Variants in C3orf70 observed in about 807,000 individuals in gnomAD.
C3orf70 encodes the protein UPF0524 protein C3orf70.
C3orf70 carries 15 observed loss-of-function variants against 20.7 expected under a neutral mutation model. The ratio of observed to expected loss-of-function variants is 0.72; its 90% CI spans 0.48 to 1.11. C3orf70 has a LOEUF of 1.11. Ranked by LOEUF, C3orf70 falls within the 50% of genes most tolerant of loss-of-function variation. The pLI is 0.00. For missense variants in C3orf70, 332 were observed against 317.6 expected (o/e 1.05, Z -0.34); for synonymous variants, 161 against 125.7 (o/e 1.28, Z -1.88).
At chr3:185,104,420 T>C (rs1715883537) in intron 1 of C3orf70, among the ~76,000 whole-genome samples, 1 of 152,186 alleles carries the variant, frequency 6.6e-6, no homozygotes, top group Non-Finnish European at 1.5e-5. Context: ...GTGTGGCAAT[T>C]CCTCAAAGAC....
chr3:185,134,699 AC>A (rs1406395768), intron 1 of C3orf70, among the ~76,000 whole-genome samples: 2 of 152,178 alleles, frequency 1.3e-5, no homozygotes, highest in African/African-American at 4.8e-5. Context: ...AAAATTGTGT[AC>A]TTTACCCCAG....
intron 1 of C3orf70, among the ~76,000 whole-genome samples, chr3:185,099,513 CA>C (rs1409996419): frequency 6.6e-6 from 1 of 152,134 alleles, no homozygotes. Flanking sequence ...TTCAGACAAG[CA>C]AATGCTGAGA....
intron 1 of C3orf70, among the ~76,000 whole-genome samples, chr3:185,117,119 G>GA (rs1716191793): frequency 6.6e-6 from 1 of 152,112 alleles, no homozygotes. Context: ...CACATTTATG[G>GA]AAAATCAACA....
At chr3:185,114,970 A>G (rs1379394513) in intron 1 of C3orf70, among the ~76,000 whole-genome samples, 2 of 152,230 alleles carry the variant, frequency 1.3e-5, no homozygotes, top group Admixed American at 1.3e-4. Context: ...CAGGCAATTC[A>G]CTCAAACGCT....
intron 1 of C3orf70, among the ~76,000 whole-genome samples, chr3:185,137,575 T>C (rs1716653306): frequency 1.3e-5 from 2 of 152,192 alleles, no homozygotes; most frequent in Middle Eastern, 3.4e-3. Flanking sequence ...AGAATTAAAA[T>C]CATACAAAGT....
intron 1 of C3orf70, among the ~76,000 whole-genome samples, chr3:185,145,803 A>G (rs551468460): frequency 1.3e-5 from 2 of 152,244 alleles, no homozygotes; most frequent in African/African-American, 4.8e-5. Context: ...TAAATGAGCA[A>G]ACACATACGA....
chr3:185,080,260 T>G lies in C3orf70; in HGVS notation c.*2747A>C, dbSNP rs912181582. On this transcript the variant is annotated 3_prime_UTR_variant, in exon 2 of 2. Transcript: ENST00000335012. ...ATTATAAAGAGATTGTGCAAATACA[T>G]AAGGTGATTATCAACTATTATTAAA... 6.6e-5 allele frequency: 10 copies of G among 152,584 alleles called. No homozygotes were observed. Among genetic ancestry groups the G allele is most frequent in the Non-Finnish European group, 2.9e-5 (2 of 68,044 alleles). 9.5% of individuals were successfully genotyped at this position (152,584 alleles called of 1,614,324 possible).
chr3:185,119,378 C>T (rs535539034), intron 1 of C3orf70, among the ~76,000 whole-genome samples: 3 of 152,156 alleles, frequency 2.0e-5, no homozygotes, highest in Middle Eastern at 3.4e-3. Flanking sequence ...AGAAGCCGGG[C>T]GCGGTGGTTC....
At chr3:185,086,191 C>T (rs1171258619) in intron 1 of C3orf70, among the ~76,000 whole-genome samples, 5 of 151,558 alleles carry the variant, frequency 3.3e-5, no homozygotes, top group African/African-American at 1.2e-4. Context: ...CACTCCATCT[C>T]TTTTTTTTTC....
At chr3:185,095,709 AAAC>A (rs1020468267) in intron 1 of C3orf70, among the ~76,000 whole-genome samples, 3 of 152,198 alleles carry the variant, frequency 2.0e-5, no homozygotes, top group African/African-American at 7.2e-5. Context: ...TTTCAATATA[AAAC>A]AAGCCAATAT....
chr3:185,083,563 C>A lies in C3orf70; in HGVS notation c.197G>T (p.Cys66Phe). The part of the protein sequence containing the change: ...HWCCHLGWCH[C>F]KYMYQPMTPV... ...GGTCATAGGCTGATACATGTATTTG[C>A]CTGTGAAGACACAAAAAGACACTTG... Residue 66 changes from cysteine (C) to phenylalanine (F), a missense_variant and splice_region_variant, in exon 2 of 2, where the codon TGC (cysteine) becomes TTC (phenylalanine). Physicochemically the swap from Cys to Phe is radical, Grantham distance 205 (BLOSUM62 -2). Transcript: ENST00000335012. The A allele has an allele frequency of 6.4e-7, 1 of 1,569,394 alleles. No homozygotes were observed. The highest frequency in any genetic ancestry group is 8.6e-7 in the Non-Finnish European group (1 of 1,160,010).
chr3:185,086,963 C>T (rs146703225), intron 1 of C3orf70, among the ~76,000 whole-genome samples: 35 of 152,272 alleles, frequency 2.3e-4, no homozygotes, highest in African/African-American at 7.9e-4. Context: ...TAGTGCTTTG[C>T]TCCAGTCCCT....
chr3:185,152,892 C>G lies in C3orf70; in HGVS notation c.-69G>C, dbSNP rs894146748. 2.2e-6 allele frequency: 3 copies of G among 1,362,294 alleles called. No individual in the cohort carries two copies. In the African/African-American group the frequency reaches 4.6e-5, roughly 21 times the overall value. 84.4% of individuals were successfully genotyped at this position (1,362,294 alleles called of 1,614,324 possible). A position where few individuals can be genotyped will look rare whatever the true frequency, so the allele number is the denominator to read the frequency against. On this transcript the variant is annotated 5_prime_UTR_variant, in exon 1 of 2. Coordinates refer to ENST00000335012, the MANE Select transcript of C3orf70 (RefSeq NM_001025266.3). Reference sequence around the variant, plus strand: ...AGCGACGTCTGGGTGGGCAGGAAGCCGAGCCGGCTGCGGACGCGGGAGGGC... The same window carrying G: ...AGCGACGTCTGGGTGGGCAGGAAGCGGAGCCGGCTGCGGACGCGGGAGGGC...
At chr3:185,125,714 T>C (rs895908296) in intron 1 of C3orf70, among the ~76,000 whole-genome samples, 3 of 152,330 alleles carry the variant, frequency 2.0e-5, no homozygotes, top group African/African-American at 7.2e-5. Flanking sequence ...AATCTCGAGA[T>C]CCTTATGTTA....
chr3:185,137,007 G>A (rs948612187), intron 1 of C3orf70, among the ~76,000 whole-genome samples: 2 of 152,148 alleles, frequency 1.3e-5, no homozygotes, highest in African/African-American at 2.4e-5. Flanking sequence ...CACAATTTAC[G>A]TAAACCCCTC....
chr3:185,134,116 C>CTCATATATATAT (rs71298571), intron 1 of C3orf70, among the ~76,000 whole-genome samples: 14 of 134,638 alleles, frequency 1.0e-4, no homozygotes, highest in Non-Finnish European at 1.7e-4. Context: ...AAAAATACAT[C>CTCATATATATAT]ATATATATAT....
rs1346813589 is a variant in C3orf70, at chr3:185,083,478, G to A, written c.282C>T (p.Thr94=). The change falls in exon 2 of 2, where the codon ACC becomes ACT. Residue 94 remains threonine, a synonymous_variant. Coordinates refer to ENST00000335012, the MANE Select transcript of C3orf70 (RefSeq NM_001025266.3). ...CGGTGAGCGAGACTGAGATCTGAAT[G>A]GTGTTTGTGGGTTCCCGAGGCCTGG... ...IPARPREPTN[T]IQISVSLTEH... is the part of the protein sequence containing the mutation. 2 of 1,614,054 alleles carry A rather than the reference G, an allele frequency of 1.2e-6. No individual in the cohort carries two copies. The highest frequency in any genetic ancestry group is 2.2e-5 in the East Asian group (1 of 44,890).
intron 1 of C3orf70, among the ~76,000 whole-genome samples, chr3:185,138,004 G>C (rs955002970): frequency 2.0e-5 from 3 of 152,124 alleles, no homozygotes; most frequent in Non-Finnish European, 4.4e-5. Context: ...CCTCTAACAA[G>C]ACAGACAAAG....
At chr3:185,094,672 A>T (rs537952254) in intron 1 of C3orf70, among the ~76,000 whole-genome samples, 1 of 151,796 alleles carries the variant, frequency 6.6e-6, no homozygotes, top group African/African-American at 2.4e-5. Context: ...AAAAAAAAAA[A>T]ATCTCCTAGG....
Sources: gnomAD v4.1 joint callset for allele counts (sites outside exome capture counted in the v4.1 genomes callset) on GRCh38, gnomAD v4.1.1 for gene constraint, MANE v1.5 for transcripts, NCBI Gene and HGNC (gene_info 2026-07-23, HGNC 2026-07-21) for gene names.